The following LRRC7 variants were observed in gnomAD, a reference collection of about 807,000 sequenced individuals.
LRRC7 encodes the protein leucine rich repeat containing 7, also known as leucine-rich repeat-containing protein 7.
Under a neutral mutation model 175.7 loss-of-function variants are expected in LRRC7, and 23 were observed. The observed-to-expected ratio is 0.13, with a 90% CI of 0.09 to 0.19. The LOEUF (loss-of-function observed/expected upper bound fraction) is 0.19, where lower values mean the gene tolerates loss of function less well. Among genes scored for constraint, LRRC7 ranks in the 10% least tolerant of loss-of-function variants. The pLI is 1.00. For missense variants in LRRC7, 1,354 were observed against 1,904.7 expected (o/e 0.71, Z 5.38); for synonymous variants, 685 against 680.9 (o/e 1.01, Z -0.09).
At chr1:69,788,355 G>C (rs999571591) in intron 3 of LRRC7, among the ~76,000 whole-genome samples, 2 of 151,810 alleles carry the variant, frequency 1.3e-5, no homozygotes, top group Non-Finnish European at 2.9e-5. Context: ...TGAGTGTGAG[G>C]GTGTTTAGTT....
intron 1 of LRRC7, among the ~76,000 whole-genome samples, chr1:69,571,258 C>A (rs1645728484): frequency 6.6e-6 from 1 of 152,176 alleles, no homozygotes; most frequent in Non-Finnish European, 1.5e-5. Flanking sequence ...CATAAAGAAA[C>A]CTGGTCCAGT....
At chr1:69,959,507 G>A (rs1304482827) in intron 8 of LRRC7, among the ~76,000 whole-genome samples, 1 of 152,116 alleles carries the variant, frequency 6.6e-6, no homozygotes, top group Non-Finnish European at 1.5e-5. Context: ...ATAGATCATT[G>A]TGATGACAAA....
Position 70,111,104 on chromosome 1 carries a change from G to A in LRRC7, c.4620+3278G>A, listed in dbSNP as rs555527567. Among the ~76,000 whole-genome samples, 4 of 152,216 alleles carry A rather than the reference G, an allele frequency of 2.6e-5. No individual in the cohort carries two copies. The East Asian group carries it at 7.7e-4, about 29-fold the overall frequency. On this transcript the variant is annotated intron_variant, in intron 26 of 26. Transcript: ENST00000651989. ...CTCCCTAAGTGACAATACTTTTGGG[G>A]TTTAATCTAACCCAATAGCAAATAG...
At chr1:69,705,960 T>G (rs1486870247) in intron 2 of LRRC7, among the ~76,000 whole-genome samples, 2 of 152,164 alleles carry the variant, frequency 1.3e-5, no homozygotes, top group Admixed American at 1.3e-4. Context: ...CTCCAAAAAA[T>G]AAATGGTCAT....
chr1:69,934,578 T>TA (rs1557906119), intron 8 of LRRC7, among the ~76,000 whole-genome samples: 2 of 151,696 alleles, frequency 1.3e-5, no homozygotes, highest in Middle Eastern at 3.4e-3. Flanking sequence ...TGTTCATTTT[T>TA]AAAAAAATAG....
chr1:69,780,288 A>G (rs532803801), intron 3 of LRRC7, among the ~76,000 whole-genome samples: 1 of 152,340 alleles, frequency 6.6e-6, no homozygotes, highest in Admixed American at 6.5e-5. Flanking sequence ...TTTGGGAATA[A>G]AATGTTCTTT....
At chr1:70,035,420 G>A (rs565825362) in intron 18 of LRRC7, among the ~76,000 whole-genome samples, 12 of 151,932 alleles carry the variant, frequency 7.9e-5, no homozygotes, top group South Asian at 2.1e-4. Flanking sequence ...GATGTTGCTC[G>A]TTACACTCAA....
intron 2 of LRRC7, among the ~76,000 whole-genome samples, chr1:69,682,502 G>A (rs1025659580): frequency 3.3e-5 from 5 of 152,058 alleles, no homozygotes; most frequent in African/African-American, 1.2e-4. Flanking sequence ...AATCAATACT[G>A]TTGACCATGT....
intron 7 of LRRC7, among the ~76,000 whole-genome samples, chr1:69,902,578 C>A (rs78402066): frequency 3.4e-5 from 5 of 147,002 alleles, no homozygotes; most frequent in Non-Finnish European, 3.0e-5. Flanking sequence ...CAAAACAAAA[C>A]AAAAAAAAAA....
chr1:69,947,001 C>T (rs1171979130), intron 8 of LRRC7, among the ~76,000 whole-genome samples: 1 of 152,016 alleles, frequency 6.6e-6, no homozygotes, highest in East Asian at 1.9e-4. Context: ...TCACTTGAAC[C>T]AGGGAAGCAG....
At chr1:70,006,471 CAAAA>C (rs1330605625) in intron 11 of LRRC7, among the ~76,000 whole-genome samples, 2 of 78,056 alleles carry the variant, frequency 2.6e-5, no homozygotes, top group Non-Finnish European at 2.8e-5. Context: ...GACTCAGTCT[CAAAA>C]AAAAAAAAAA....
chr1:69,591,885 C>A (rs1646650613), intron 1 of LRRC7, among the ~76,000 whole-genome samples: 1 of 151,966 alleles, frequency 6.6e-6, no homozygotes, highest in South Asian at 2.1e-4. Context: ...TACAAAAACT[C>A]CCTCCCCCAT....
intron 4 of LRRC7, among the ~76,000 whole-genome samples, chr1:69,801,742 C>A (rs930484081): frequency 1.4e-5 from 2 of 146,566 alleles, no homozygotes; most frequent in Non-Finnish European, 3.0e-5. Context: ...TTTTTTATTT[C>A]TTTTCTTGTG....
At chr1:69,665,102 A>T (rs879591169) in intron 1 of LRRC7, among the ~76,000 whole-genome samples, 1 of 152,164 alleles carries the variant, frequency 6.6e-6, no homozygotes, top group Non-Finnish European at 1.5e-5. Context: ...TTCATCAAAA[A>T]TGAGTTCACT....
intron 1 of LRRC7, among the ~76,000 whole-genome samples, chr1:69,578,885 A>G (rs1012751640): frequency 1.3e-5 from 2 of 151,602 alleles, no homozygotes; most frequent in Admixed American, 6.6e-5. Flanking sequence ...TGGCACATGT[A>G]TACATATGTA....
chr1:70,131,004 A>G lies in LRRC7; in HGVS notation c.*9117A>G, dbSNP rs1252206852. On this transcript the variant is annotated 3_prime_UTR_variant, in exon 27 of 27. Transcript: ENST00000651989. ...TGCATTTTGGCATCATTTCATGAATAGATCCCACCCCCTATATCCCTAAAG... is the reference window on the plus strand; with the variant it reads ...TGCATTTTGGCATCATTTCATGAATGGATCCCACCCCCTATATCCCTAAAG... Among the ~76,000 whole-genome samples the G allele has an allele frequency of 6.6e-6, 1 of 152,244 alleles. No homozygotes were observed. Among genetic ancestry groups the G allele is most frequent in the African/African-American group, 2.4e-5 (1 of 41,462 alleles).
intron 18 of LRRC7, among the ~76,000 whole-genome samples, chr1:70,029,706 C>T (rs978883972): frequency 3.3e-5 from 5 of 151,976 alleles, no homozygotes; most frequent in African/African-American, 1.2e-4. Flanking sequence ...ATTTAAATAT[C>T]CTGTAATCAC....
At chr1:70,035,543 T>C (rs1364520329) in intron 18 of LRRC7, among the ~76,000 whole-genome samples, 1 of 136,380 alleles carries the variant, frequency 7.3e-6, no homozygotes, top group African/African-American at 2.8e-5. Flanking sequence ...TCACTTGGGA[T>C]ACAGTAGAAA....
chr1:69,860,247 C>A (rs967555432), intron 7 of LRRC7, among the ~76,000 whole-genome samples: 2 of 151,686 alleles, frequency 1.3e-5, no homozygotes, highest in African/African-American at 4.8e-5. Flanking sequence ...CTTGGAGAAT[C>A]TCTTCACCTC....
Sources: allele counts gnomAD v4.1 joint callset (sites outside exome capture counted in the v4.1 genomes callset), GRCh38; gene constraint gnomAD v4.1.1; transcripts MANE v1.5; gene names NCBI Gene and HGNC (gene_info 2026-07-23, HGNC 2026-07-21).